Variants in RERE observed in about 807,000 individuals in gnomAD.
The protein encoded by RERE is arginine-glutamic acid dipeptide repeats.
In RERE, 40 loss-of-function variants were observed where a neutral mutation model predicts 146.1. The observed-to-expected ratio is 0.27, with a 90% CI of 0.21 to 0.36. The LOEUF (loss-of-function observed/expected upper bound fraction) is 0.36. Among genes scored for constraint, RERE ranks in the 10% least tolerant of loss-of-function variants. RERE has a pLI of 1.00. For synonymous variants in RERE, 1,003 were observed against 866.0 expected (o/e 1.16, Z -2.78); for missense variants, 1,933 against 2,138.7 (o/e 0.90, Z 1.90).
intron 7 of RERE, among the ~76,000 whole-genome samples, chr1:8,520,340 G>A (rs1031487906): frequency 3.3e-5 from 5 of 152,106 alleles, no homozygotes; most frequent in Non-Finnish European, 1.5e-5. Flanking sequence ...AGGCCACACC[G>A]GCAGCTCTCC....
At chr1:8,382,434 C>G (rs1642489114) in intron 12 of RERE, among the ~76,000 whole-genome samples, 1 of 152,276 alleles carries the variant, frequency 6.6e-6, no homozygotes, top group African/African-American at 2.4e-5. Context: ...TTTGGCTCAG[C>G]CACGTGCGCA....
chr1:8,467,974 A>T (rs1173088689), intron 10 of RERE, among the ~76,000 whole-genome samples: 1 of 152,224 alleles, frequency 6.6e-6, no homozygotes, highest in East Asian at 1.9e-4. Flanking sequence ...TCACTCAGCA[A>T]AACAGAAAGT....
At chr1:8,575,492 T>C (rs1173801334) in intron 4 of RERE, among the ~76,000 whole-genome samples, 2 of 146,214 alleles carry the variant, frequency 1.4e-5, no homozygotes, top group Admixed American at 6.9e-5. Flanking sequence ...GACTCCCAAG[T>C]AGCTAGGACT....
chr1:8,751,159 G>A (rs1167082006), intron 1 of RERE: 3 of 293,372 alleles, frequency 1.0e-5, no homozygotes, highest in Admixed American at 4.5e-5. Context: ...CCCAAAACAG[G>A]TAGTGTTCTG....
At chr1:8,663,376 A>G (rs552887210) in intron 1 of RERE, among the ~76,000 whole-genome samples, 1 of 152,264 alleles carries the variant, frequency 6.6e-6, no homozygotes, top group South Asian at 2.1e-4. Context: ...AGACATACTT[A>G]TATTTTTCAA....
intron 10 of RERE, among the ~76,000 whole-genome samples, chr1:8,489,119 A>G (rs985893972): frequency 7.9e-5 from 12 of 152,084 alleles, no homozygotes; most frequent in Admixed American, 5.2e-4. Flanking sequence ...TGAAGTGGGA[A>G]GATCACTTGA....
intron 6 of RERE, among the ~76,000 whole-genome samples, chr1:8,550,571 G>C (rs1391921296): frequency 6.6e-6 from 1 of 152,056 alleles, no homozygotes; most frequent in African/African-American, 2.4e-5. Context: ...TTTTGAGACA[G>C]AGTCTCGCTC....
chr1:8,480,936 GT>G (rs1181257028), intron 10 of RERE, among the ~76,000 whole-genome samples: 1 of 152,128 alleles, frequency 6.6e-6, no homozygotes, highest in Non-Finnish European at 1.5e-5. Context: ...TGATAAAGAA[GT>G]TTCTTAAATG....
intron 2 of RERE, among the ~76,000 whole-genome samples, chr1:8,648,798 T>C (rs1647449654): frequency 6.6e-6 from 1 of 152,200 alleles, no homozygotes; most frequent in Non-Finnish European, 1.5e-5. Context: ...ATACATGTTT[T>C]GCACTATGTT....
rs958678326 is a variant in RERE, at chr1:8,360,180, G to A, written c.3327C>T (p.Pro1109=). 2 of 1,599,308 alleles carry A rather than the reference G, an allele frequency of 1.3e-6. No individual in the cohort carries two copies. Among genetic ancestry groups the A allele is most frequent in the South Asian group, 1.1e-5 (1 of 89,026 alleles). ...GCTCCGGGGACGGGCTCCTTGGTGG[G>A]GGAGGGGGGCTCTCAGGCTCCTCAG... ...DDAEEPESPP[P]PPRSPSPEPT... is the part of the protein sequence containing the mutation. The change falls in exon 18 of 23, where the codon CCC becomes CCT. Residue 1109 remains proline, a synonymous_variant. Transcript: ENST00000400908.
intron 12 of RERE, among the ~76,000 whole-genome samples, chr1:8,388,364 C>T (rs1444308340): frequency 6.6e-6 from 1 of 150,390 alleles, no homozygotes; most frequent in Non-Finnish European, 1.5e-5. Flanking sequence ...CCAGGCTGGA[C>T]TGCGGACTGC....
chr1:8,427,029 T>G (rs1303637285), intron 11 of RERE, among the ~76,000 whole-genome samples: 2 of 152,180 alleles, frequency 1.3e-5, no homozygotes, highest in African/African-American at 2.4e-5. Flanking sequence ...TTAAAAATTA[T>G]TTATTTATTA....
chr1:8,383,977 G>A (rs1381728613), intron 12 of RERE, among the ~76,000 whole-genome samples: 2 of 152,198 alleles, frequency 1.3e-5, no homozygotes, highest in African/African-American at 4.8e-5. Context: ...TCACTAGAGT[G>A]TCACAAACTC....
intron 8 of RERE, among the ~76,000 whole-genome samples, chr1:8,507,182 T>C (rs1486858863): frequency 6.6e-6 from 1 of 152,126 alleles, no homozygotes; most frequent in Non-Finnish European, 1.5e-5. Context: ...TGAGGCAGGT[T>C]GGACTGCTTC....
At chr1:8,530,594 G>A (rs1411880498) in intron 7 of RERE, among the ~76,000 whole-genome samples, 1 of 151,918 alleles carries the variant, frequency 6.6e-6, no homozygotes, top group Non-Finnish European at 1.5e-5. Flanking sequence ...CACATCAAGA[G>A]AGGAGAAGTA....
In RERE at chr1:8,656,148, A is replaced by G. The variant is rs752864861; in HGVS notation, c.150T>C (p.Tyr50=). 2 of 1,613,998 alleles carry G rather than the reference A, an allele frequency of 1.2e-6. No homozygotes were observed. The highest frequency in any genetic ancestry group is 1.3e-5 in the African/African-American group (1 of 74,996). Residue 50 remains tyrosine, a synonymous_variant, in exon 2 of 23, where the codon TAT becomes TAC. Coordinates refer to ENST00000400908, the MANE Select transcript of RERE (RefSeq NM_001042681.2). ...CGTCTTCACTGTGATCACTCTCAGC[A>G]TAATTTTTGGCTCCTCCTTCCAAGG... ...SCTLEGGAKN[Y]AESDHSEDED...
intron 1 of RERE, among the ~76,000 whole-genome samples, chr1:8,728,623 T>C (rs1371132596): frequency 6.6e-6 from 1 of 152,228 alleles, no homozygotes; most frequent in African/African-American, 2.4e-5. Context: ...AAACGGAATT[T>C]TCTCTAGGCA....
chr1:8,710,816 T>C (rs1355704406), intron 1 of RERE, among the ~76,000 whole-genome samples: 1 of 152,034 alleles, frequency 6.6e-6, no homozygotes, highest in Non-Finnish European at 1.5e-5. Context: ...TGCCTGGCCA[T>C]AGTCCCAAAC....
intron 2 of RERE, among the ~76,000 whole-genome samples, chr1:8,649,878 T>C (rs1243423147): frequency 6.6e-6 from 1 of 152,128 alleles, no homozygotes; most frequent in Non-Finnish European, 1.5e-5. Context: ...CTAATAAAAT[T>C]ATTACTGTTC....
Sources: gnomAD v4.1 joint callset for allele counts (sites outside exome capture counted in the v4.1 genomes callset) on GRCh38, gnomAD v4.1.1 for gene constraint, MANE v1.5 for transcripts, NCBI Gene and HGNC (gene_info 2026-07-23, HGNC 2026-07-21) for gene names.